The following BOLL variants were observed in gnomAD, a reference collection of about 807,000 sequenced individuals.
The protein encoded by BOLL is boule RNA binding protein, also known as protein boule-like.
Under a neutral mutation model 44.4 loss-of-function variants are expected in BOLL, and 23 were observed. The observed-to-expected ratio is 0.52, with a 90% CI of 0.37 to 0.73. The LOEUF (loss-of-function observed/expected upper bound fraction) is 0.73, where lower values mean the gene tolerates loss of function less well. Among genes scored for constraint, BOLL ranks in the 30% least tolerant of loss-of-function variants. BOLL has a pLI of 0.00. For synonymous variants in BOLL, 97 were observed against 110.8 expected (o/e 0.88, Z 0.78); for missense variants, 287 against 338.3 (o/e 0.85, Z 1.19).
intron 10 of BOLL, among the ~76,000 whole-genome samples, chr2:197,729,798 CA>C (rs1413566070): frequency 1.1e-4 from 17 of 151,404 alleles, no homozygotes; most frequent in Non-Finnish European, 2.2e-4. Flanking sequence ...ACATCCACAC[CA>C]AAAACCCATC....
chr2:197,741,463 G>C (rs1297919829), intron 10 of BOLL, among the ~76,000 whole-genome samples: 4 of 152,132 alleles, frequency 2.6e-5, no homozygotes, highest in Non-Finnish European at 5.9e-5. Context: ...CCAAAACAGA[G>C]ATAGAGACCA....
At position 197,727,266 on chromosome 2, in the gene BOLL, T is replaced by TCTG. The variant is rs761615388; in HGVS notation, c.*1286_*1288dup. The TCTG allele has an allele frequency of 3.2e-4, 49 of 152,408 alleles. No homozygotes were observed. The highest frequency in any genetic ancestry group is 1.2e-3 in the African/African-American group (49 of 41,556). The allele number at this position is 152,408 out of a possible 1,614,324, so 9.4% of individuals were successfully genotyped here. A position where few individuals can be genotyped will look rare whatever the true frequency, so the allele number is the denominator to read the frequency against. On this transcript the variant is annotated 3_prime_UTR_variant, in exon 11 of 11. Transcript: ENST00000392296. Reference sequence around the variant, plus strand: ...CCTTTGTGATCTATATCCTACTATTTCTGCTGCTGCTGCTGAGCATGGAAT... The same window carrying TCTG: ...CCTTTGTGATCTATATCCTACTATTTCTGCTGCTGCTGCTGCTGAGCATGGAAT...
chr2:197,754,285 TA>T (rs879887803), intron 9 of BOLL, among the ~76,000 whole-genome samples: 43 of 150,750 alleles, frequency 2.9e-4, no homozygotes, highest in East Asian at 5.8e-4. Flanking sequence ...TAAAGTATAA[TA>T]AAAAAAAATG....
chr2:197,736,402 A>G (rs905050720), intron 10 of BOLL, among the ~76,000 whole-genome samples: 1 of 152,146 alleles, frequency 6.6e-6, no homozygotes, highest in African/African-American at 2.4e-5. Flanking sequence ...ATTAGATCCT[A>G]GAACAGAAAA....
chr2:197,765,685 A>T (rs761642940), intron 7 of BOLL, among the ~76,000 whole-genome samples: 29 of 151,684 alleles, frequency 1.9e-4, no homozygotes, highest in Non-Finnish European at 7.4e-5. Flanking sequence ...CTAACTAATC[A>T]TTTATTTTAT....
upstream of BOLL, chr2:197,785,412 T>C: frequency 2.0e-6 from 2 of 983,190 alleles, no homozygotes; most frequent in South Asian, 4.7e-5. The surrounding 1 kb of genome is among the most constrained non-coding windows in gnomAD (Gnocchi z 6.7). Flanking sequence ...CTCGGGCCTG[T>C]GCGGGCAGTC....
At chr2:197,751,377 A>G (rs1292967408) in intron 9 of BOLL, among the ~76,000 whole-genome samples, 1 of 152,180 alleles carries the variant, frequency 6.6e-6, no homozygotes, top group Admixed American at 6.5e-5. Context: ...TTTTGAAAAG[A>G]TTAACAAAAT....
chr2:197,784,330 C>T (rs1440119481), intron 1 of BOLL, among the ~76,000 whole-genome samples: 4 of 142,586 alleles, frequency 2.8e-5, no homozygotes, highest in Admixed American at 1.5e-4. Context: ...CAGGAGAGAC[C>T]TGCTCATGAT....
At chr2:197,751,935 C>T (rs1292230773) in intron 9 of BOLL, among the ~76,000 whole-genome samples, 1 of 151,980 alleles carries the variant, frequency 6.6e-6, no homozygotes, top group African/African-American at 2.4e-5. Context: ...AGCAGCACAT[C>T]AAAAATCTTA....
chr2:197,765,340 T>TA (rs1022172781), intron 7 of BOLL, among the ~76,000 whole-genome samples: 223 of 146,678 alleles, frequency 1.5e-3, no homozygotes, highest in African/African-American at 4.8e-3. Context: ...AAATAAAAAT[T>TA]AAAAAAAAAA....
At chr2:197,743,251 T>G in intron 9 of BOLL, 92 bp from the exon 10 acceptor site, 3 of 846,950 alleles carry the variant, frequency 3.5e-6, no homozygotes, top group South Asian at 2.7e-5. Context: ...CATCTAGCTA[T>G]ACAATGTAGA....
intron 10 of BOLL, among the ~76,000 whole-genome samples, chr2:197,729,440 G>T (rs913307397): frequency 1.6e-4 from 24 of 152,298 alleles, no homozygotes; most frequent in African/African-American, 5.3e-4. Flanking sequence ...CAGCTGGGAA[G>T]CTCCAACTGG....
At chr2:197,744,914 C>G (rs747975142) in intron 9 of BOLL, among the ~76,000 whole-genome samples, 5 of 152,106 alleles carry the variant, frequency 3.3e-5, no homozygotes, top group Non-Finnish European at 7.4e-5. Flanking sequence ...AGAAAAAGAA[C>G]AGTAGATGGA....
intron 5 of BOLL, among the ~76,000 whole-genome samples, chr2:197,773,094 T>G (rs1689339287): frequency 6.6e-6 from 1 of 151,788 alleles, no homozygotes; most frequent in Non-Finnish European, 1.5e-5. Context: ...ATTATTTATT[T>G]TAATGGTTCT....
At position 197,783,415 on chromosome 2, in the gene BOLL, C is replaced by T. The variant is rs986423662; in HGVS notation, c.-15-1550G>A. Among the ~76,000 whole-genome samples, 26 of 152,312 alleles carry T rather than the reference C, an allele frequency of 1.7e-4. 1 individual carries two copies. The highest frequency in any genetic ancestry group is 2.6e-4 in the Admixed American group (4 of 15,296). On this transcript the variant is annotated intron_variant, in intron 1 of 10. Coordinates refer to ENST00000392296, the MANE Select transcript of BOLL (RefSeq NM_033030.6). ...TGTTCTTTTTCAAATTTGTTCTGCT[C>T]TTTCTTCTCTGGCCAATACAATCAC...
chr2:197,785,386 C>T (rs1690029977), upstream of BOLL: 3 of 985,990 alleles, frequency 3.0e-6, no homozygotes, highest in Non-Finnish European at 3.6e-6. This position sits in a 1 kb window ranked among gnomAD's most constrained non-coding sequence, Gnocchi z 6.7. Context: ...GGCGGGATGG[C>T]ACGTTGCCGC....
At chr2:197,776,488 C>T (rs919475724) in intron 4 of BOLL, among the ~76,000 whole-genome samples, 1 of 151,774 alleles carries the variant, frequency 6.6e-6, no homozygotes, top group African/African-American at 2.4e-5. Flanking sequence ...TTGTACTTCC[C>T]CTAGAAAGAG....
At chr2:197,785,440 G>A (rs1442644766), upstream of BOLL, 1 of 951,710 alleles carries the variant, frequency 1.1e-6, no homozygotes. This position sits in a 1 kb window ranked among gnomAD's most constrained non-coding sequence, Gnocchi z 6.7. Flanking sequence ...ACTTCCCCAA[G>A]TCCACCCTGA....
At chr2:197,728,639 G>T (rs1404668155) in intron 10 of BOLL, 61 bp from the exon 11 acceptor site, 21 of 1,146,872 alleles carry the variant, frequency 1.8e-5, no homozygotes, top group Non-Finnish European at 2.6e-5. Context: ...AGATAAGTTA[G>T]AACAGATGAG....
Sources: allele counts gnomAD v4.1 joint callset (sites outside exome capture counted in the v4.1 genomes callset), GRCh38; gene constraint gnomAD v4.1.1; non-coding constraint Gnocchi (gnomAD v3.1); transcripts MANE v1.5; gene names NCBI Gene and HGNC (gene_info 2026-07-23, HGNC 2026-07-21).